The following COL28A1 variants were observed in gnomAD, a reference collection of about 807,000 sequenced individuals.
COL28A1 encodes the protein collagen type XXVIII alpha 1 chain.
In COL28A1, 161 loss-of-function variants were observed where a neutral mutation model predicts 150.2. The observed-to-expected ratio is 1.07, with a 90% CI of 0.94 to 1.22. The LOEUF (loss-of-function observed/expected upper bound fraction) is 1.22. Among genes scored for constraint, COL28A1 ranks in the 50% most tolerant of loss-of-function variants. The pLI is 0.00. For missense variants in COL28A1, 1,617 were observed against 1,388.3 expected, an observed-to-expected ratio of 1.16 and a Z score of -2.62; for synonymous variants, 552 against 469.7, an observed-to-expected ratio of 1.18 and a Z score of -2.26.
intron 3 of COL28A1, 122 bp from the exon 4 acceptor site, chr7:7,524,371 T>C (rs1284697151): frequency 1.4e-6 from 1 of 695,982 alleles, no homozygotes; most frequent in East Asian, 2.6e-5. Context: ...TTCAGCCTTT[T>C]TAAACTTGTA....
intron 8 of COL28A1, among the ~76,000 whole-genome samples, chr7:7,512,072 C>A (rs1014116967): frequency 1.3e-5 from 2 of 152,094 alleles, no homozygotes; most frequent in Admixed American, 6.6e-5. Context: ...CATAGATGAA[C>A]CTGAACCTGG....
chr7:7,443,697 C>A (rs764809929), intron 19 of COL28A1, 44 bp from the exon 20 acceptor site: 38 of 1,611,666 alleles, frequency 2.4e-5, no homozygotes, highest in Middle Eastern at 1.6e-4. Flanking sequence ...CTCCAGTAGA[C>A]AGACTGTACG....
chr7:7,414,315 T>A (rs1309658589), intron 27 of COL28A1, among the ~76,000 whole-genome samples: 1 of 152,202 alleles, frequency 6.6e-6, no homozygotes, highest in East Asian at 1.9e-4. Flanking sequence ...ATCATATAAC[T>A]TCCTGGCCTG....
intron 16 of COL28A1, among the ~76,000 whole-genome samples, chr7:7,454,299 C>A (rs1392904855): frequency 1.3e-5 from 2 of 151,990 alleles, no homozygotes; most frequent in African/African-American, 2.4e-5. Flanking sequence ...TCTAACATAA[C>A]AAGAATTCAA....
chr7:7,536,648 C>A (rs1211157780), upstream of COL28A1, among the ~76,000 whole-genome samples: 1 of 152,144 alleles, frequency 6.6e-6, no homozygotes, highest in African/African-American at 2.4e-5. Context: ...AACAGGCAGG[C>A]TTCTCCACGG....
chr7:7,348,299 TC>T, the COL28A1 span, among the ~76,000 whole-genome samples: 1 of 152,076 alleles, frequency 6.6e-6, no homozygotes, highest in South Asian at 2.1e-4. Context: ...AAGAGCTCCA[TC>T]CATCTCTCAA....
At chr7:7,454,474 A>T (rs1786973635) in intron 16 of COL28A1, among the ~76,000 whole-genome samples, 2 of 152,170 alleles carry the variant, frequency 1.3e-5, no homozygotes. Context: ...CTCTGTAAGG[A>T]CACATCTACC....
At chr7:7,433,923 C>T (rs1160226863) in intron 23 of COL28A1, among the ~76,000 whole-genome samples, 1 of 152,148 alleles carries the variant, frequency 6.6e-6, no homozygotes, top group Non-Finnish European at 1.5e-5. Flanking sequence ...GAACTTTCCT[C>T]ATATGCAAAC....
chr7:7,432,794 C>T (rs1393194448), intron 23 of COL28A1, 94 bp from the exon 24 acceptor site: 4 of 910,582 alleles, frequency 4.4e-6, no homozygotes, highest in Non-Finnish European at 5.4e-6. Context: ...TGCCAACGGT[C>T]GATTTCTAAC....
At chr7:7,519,473 A>G (rs1185569183) in intron 6 of COL28A1, among the ~76,000 whole-genome samples, 4 of 152,140 alleles carry the variant, frequency 2.6e-5, no homozygotes, top group Non-Finnish European at 5.9e-5. Flanking sequence ...AAATTTTCAC[A>G]TAGTTATATC....
At chr7:7,387,697 T>G (rs908188234) in intron 27 of COL28A1, among the ~76,000 whole-genome samples, 1 of 152,186 alleles carries the variant, frequency 6.6e-6, no homozygotes, top group African/African-American at 2.4e-5. Context: ...CTTTGCAACT[T>G]TTTTTGCAAG....
the COL28A1 span, among the ~76,000 whole-genome samples, chr7:7,340,216 G>C: frequency 6.6e-6 from 1 of 151,972 alleles, no homozygotes; most frequent in Non-Finnish European, 1.5e-5. Flanking sequence ...ACCATGCCCG[G>C]CCCATTATTA....
intron 33 of COL28A1, among the ~76,000 whole-genome samples, chr7:7,364,346 C>T (rs1346774031): frequency 6.6e-6 from 1 of 152,198 alleles, no homozygotes; most frequent in Non-Finnish European, 1.5e-5. Context: ...AATCCCTCCT[C>T]AGAAAATCAG....
chr7:7,414,931 T>TA (rs968185646), intron 27 of COL28A1, among the ~76,000 whole-genome samples: 13 of 152,240 alleles, frequency 8.5e-5, no homozygotes, highest in Non-Finnish European at 1.9e-4. Flanking sequence ...TTATAGCCTG[T>TA]AAATTCCATG....
chr7:7,527,338 C>T (rs973778269), intron 3 of COL28A1, among the ~76,000 whole-genome samples: 1 of 152,184 alleles, frequency 6.6e-6, no homozygotes, highest in African/African-American at 2.4e-5. Context: ...AAGATGGCTT[C>T]TTGGAATAGG....
chr7:7,534,131 G>A (rs575232175), intron 1 of COL28A1, among the ~76,000 whole-genome samples: 1 of 152,266 alleles, frequency 6.6e-6, no homozygotes, highest in South Asian at 2.1e-4. Flanking sequence ...GAGGACCAAT[G>A]GATGGCTTCA....
At chr7:7,340,424 A>G in the COL28A1 span, among the ~76,000 whole-genome samples, 3 of 152,058 alleles carry the variant, frequency 2.0e-5, no homozygotes, top group South Asian at 4.1e-4. Context: ...TAACATTGTT[A>G]TTATTGATGT....
chr7:7,421,901 T>A (rs1784404120), intron 25 of COL28A1, among the ~76,000 whole-genome samples: 1 of 152,226 alleles, frequency 6.6e-6, no homozygotes, highest in Non-Finnish European at 1.5e-5. Context: ...TCTCTCCTAC[T>A]GACTCCCATC....
intron 15 of COL28A1, among the ~76,000 whole-genome samples, chr7:7,457,343 T>C (rs1018091322): frequency 5.9e-5 from 9 of 152,062 alleles, no homozygotes; most frequent in African/African-American, 2.2e-4. Context: ...GCTCAAAACC[T>C]GGATAATGTT....
Sources: gnomAD v4.1 joint callset for allele counts (sites outside exome capture counted in the v4.1 genomes callset) on GRCh38, gnomAD v4.1.1 for gene constraint, MANE v1.5 for transcripts, NCBI Gene and HGNC (gene_info 2026-07-23, HGNC 2026-07-21) for gene names.